Variants in SPOCK1 observed in about 807,000 individuals in gnomAD.
SPOCK1 encodes the protein SPARC (osteonectin), cwcv and kazal like domains proteoglycan 1.
Under a neutral mutation model 55.3 loss-of-function variants are expected in SPOCK1, and 23 were observed. The observed-to-expected ratio is 0.42, with a 90% CI of 0.30 to 0.59. The LOEUF (loss-of-function observed/expected upper bound fraction) is 0.59, where lower values mean the gene tolerates loss of function less well. SPOCK1 is among the 20% of genes least tolerant of loss of function. SPOCK1 has a pLI of 0.22. For missense variants in SPOCK1, 499 were observed against 552.5 expected (o/e 0.90, Z 0.97); for synonymous variants, 226 against 221.0 (o/e 1.02, Z -0.20).
At chr5:137,237,299 T>G (rs769930760) in intron 3 of SPOCK1, among the ~76,000 whole-genome samples, 30 of 152,132 alleles carry the variant, frequency 2.0e-4, no homozygotes, top group Non-Finnish European at 4.1e-4. Flanking sequence ...AGTGGCAGTG[T>G]GTGCCTCTCT....
chr5:136,979,512 T>C (rs1580690642), intron 9 of SPOCK1, 43 bp from the exon 10 acceptor site: 2 of 60,860 alleles, frequency 3.3e-5, no homozygotes, highest in South Asian at 5.8e-4. Context: ...GACATGCAGA[T>C]GATACTCGGG....
intron 6 of SPOCK1, among the ~76,000 whole-genome samples, chr5:137,017,462 T>C (rs562669951): frequency 6.6e-6 from 1 of 152,218 alleles, no homozygotes; most frequent in South Asian, 2.1e-4. Flanking sequence ...GCTATGTATA[T>C]ATGTAAACAA....
At chr5:137,143,626 T>C (rs1486038343) in intron 3 of SPOCK1, among the ~76,000 whole-genome samples, 2 of 152,210 alleles carry the variant, frequency 1.3e-5, no homozygotes, top group Non-Finnish European at 2.9e-5. Flanking sequence ...TACTTAGACC[T>C]GGAACATGCT....
chr5:137,153,088 A>C (rs1754349368), intron 3 of SPOCK1, among the ~76,000 whole-genome samples: 1 of 152,230 alleles, frequency 6.6e-6, no homozygotes, highest in South Asian at 2.1e-4. Flanking sequence ...TTGGGGGTTC[A>C]ATAACTATTG....
Position 137,382,872 on chromosome 5 carries a change from T to A in SPOCK1, c.186+115501A>T, listed in dbSNP as rs181589000. ...TTCACCTTAAAAAGAAAGCCTGTGA[T>A]GTGACAAGTTCTCAGAAATTTGATT... On this transcript the variant is annotated intron_variant, in intron 2 of 10. Transcript: ENST00000394945. Among the ~76,000 whole-genome samples the A allele has an allele frequency of 7.5e-4, 115 of 152,338 alleles. 1 individual carries two copies. The East Asian group carries it at 0.022, about 29-fold the overall frequency.
chr5:137,213,395 T>C (rs1393283609), intron 3 of SPOCK1, among the ~76,000 whole-genome samples: 1 of 152,182 alleles, frequency 6.6e-6, no homozygotes, highest in Admixed American at 6.5e-5. Context: ...TATCAAGAAC[T>C]CATATTTTTA....
chr5:137,040,536 C>T (rs751521354), intron 6 of SPOCK1, among the ~76,000 whole-genome samples: 6 of 152,274 alleles, frequency 3.9e-5, no homozygotes, highest in African/African-American at 1.4e-4. Flanking sequence ...TTAGCAATAC[C>T]CAATTTGCCA....
At chr5:137,390,569 A>C (rs1751696996) in intron 2 of SPOCK1, among the ~76,000 whole-genome samples, 1 of 152,182 alleles carries the variant, frequency 6.6e-6, no homozygotes, top group African/African-American at 2.4e-5. Flanking sequence ...GGCTTGAAAA[A>C]CACACAGTGG....
intron 3 of SPOCK1, among the ~76,000 whole-genome samples, chr5:137,218,098 AC>A (rs1330830162): frequency 6.6e-6 from 1 of 152,222 alleles, no homozygotes; most frequent in Non-Finnish European, 1.5e-5. Flanking sequence ...ACTTGTGACC[AC>A]AAATCCATTT....
chr5:137,382,763 A>T (rs1220635127), intron 2 of SPOCK1, among the ~76,000 whole-genome samples: 1 of 152,176 alleles, frequency 6.6e-6, no homozygotes, highest in African/African-American at 2.4e-5. Flanking sequence ...CCAATTTGAC[A>T]TGAGATTTCG....
chr5:137,140,728 G>C (rs759904448), intron 3 of SPOCK1, 34 bp from the exon 4 acceptor site: 23 of 1,176,768 alleles, frequency 2.0e-5, no homozygotes, highest in Non-Finnish European at 2.7e-5. Context: ...GCAGGGTTTA[G>C]GACCTCCAGG....
intron 2 of SPOCK1, among the ~76,000 whole-genome samples, chr5:137,379,948 T>C (rs943967860): frequency 6.6e-6 from 1 of 152,232 alleles, no homozygotes; most frequent in Non-Finnish European, 1.5e-5. Context: ...GACTGAATCA[T>C]CAAACTAAAT....
At position 137,213,121 on chromosome 5, in the gene SPOCK1, C is replaced by T. The variant is rs527776343; in HGVS notation, c.232+53889G>A. Among the ~76,000 whole-genome samples the T allele has an allele frequency of 4.3e-3, 661 of 152,266 alleles. 1 individual carries two copies. The highest frequency in any genetic ancestry group is 7.3e-3 in the Non-Finnish European group (497 of 68,018). ...TAATCTGGGGCATAGTCATGGGTTT[C>T]ATTCTTGATGAGGGGGAAAAGAGTG... On this transcript the variant is annotated intron_variant, in intron 3 of 10. Coordinates refer to ENST00000394945, the MANE Select transcript of SPOCK1 (RefSeq NM_004598.4).
chr5:137,244,496 C>T (rs547082063), intron 3 of SPOCK1, among the ~76,000 whole-genome samples: 1 of 152,210 alleles, frequency 6.6e-6, no homozygotes, highest in Non-Finnish European at 1.5e-5. Context: ...ATTCTAGATG[C>T]TTCCAAAAAG....
At chr5:137,258,089 G>C (rs2127110730) in intron 3 of SPOCK1, among the ~76,000 whole-genome samples, 1 of 152,346 alleles carries the variant, frequency 6.6e-6, no homozygotes, top group Non-Finnish European at 1.5e-5. Context: ...TCCTGCCAAA[G>C]CTTTCTTGCC....
intron 5 of SPOCK1, among the ~76,000 whole-genome samples, chr5:137,085,450 C>T (rs1053064192): frequency 3.3e-5 from 5 of 152,176 alleles, no homozygotes; most frequent in South Asian, 2.1e-4. Flanking sequence ...GAGCTTCTGG[C>T]CATGCCTCTT....
intron 5 of SPOCK1, among the ~76,000 whole-genome samples, chr5:137,079,033 C>T (rs60529982): frequency 0.012 from 1,801 of 152,324 alleles, 42 homozygotes; most frequent in African/African-American, 0.041. Flanking sequence ...ACCACGCTTA[C>T]TCCCCCTCGG....
intron 4 of SPOCK1, among the ~76,000 whole-genome samples, chr5:137,124,608 C>T (rs1753746255): frequency 6.6e-6 from 1 of 152,214 alleles, no homozygotes; most frequent in Non-Finnish European, 1.5e-5. Context: ...CATGCAGGCC[C>T]TCATCGAGAC....
intron 2 of SPOCK1, among the ~76,000 whole-genome samples, chr5:137,359,202 T>C (rs1181480221): frequency 6.6e-6 from 1 of 152,226 alleles, no homozygotes; most frequent in Admixed American, 6.5e-5. Context: ...CACAGTAATA[T>C]GACTGTATCT....
Sources: allele counts gnomAD v4.1 joint callset (sites outside exome capture counted in the v4.1 genomes callset), GRCh38; gene constraint gnomAD v4.1.1; transcripts MANE v1.5; gene names NCBI Gene and HGNC (gene_info 2026-07-23, HGNC 2026-07-21).